The following ELF2 variants were observed in gnomAD, a reference collection of about 807,000 sequenced individuals.
The protein encoded by ELF2 is ETS-related transcription factor Elf-2.
A neutral mutation model predicts 54.8 loss-of-function variants in ELF2; 11 were observed. That is an observed-to-expected ratio of 0.20 (90% confidence interval 0.13 to 0.33). ELF2 has a LOEUF of 0.33. Ranked by LOEUF, ELF2 falls within the 10% of genes least tolerant of loss-of-function variation. The pLI is 1.00. For synonymous variants in ELF2, 203 were observed against 245.1 expected (o/e 0.83, Z 1.61); for missense variants, 513 against 703.0 (o/e 0.73, Z 3.06).
At chr4:139,121,772 C>T (rs1736375524) in intron 4 of ELF2, among the ~76,000 whole-genome samples, 1 of 152,114 alleles carries the variant, frequency 6.6e-6, no homozygotes, top group Non-Finnish European at 1.5e-5. Context: ...TTATCACAAG[C>T]AATTTACTAT....
chr4:139,151,031 A>G (rs957500551), intron 1 of ELF2, among the ~76,000 whole-genome samples: 10 of 118,410 alleles, frequency 8.4e-5, no homozygotes, highest in African/African-American at 3.4e-4. Context: ...CTCAAAAAAA[A>G]AAAAGAAAGA....
chr4:139,068,774 T>C (rs1024295601), intron 6 of ELF2, among the ~76,000 whole-genome samples: 3 of 152,140 alleles, frequency 2.0e-5, no homozygotes, highest in African/African-American at 7.2e-5. Context: ...TGAGCACAAA[T>C]GAACACTGGC....
chr4:139,071,512 CGT>C (rs932384831), intron 6 of ELF2, among the ~76,000 whole-genome samples: 3 of 150,966 alleles, frequency 2.0e-5, no homozygotes, highest in African/African-American at 4.9e-5. Context: ...AAATGTTGTG[CGT>C]GTGTGTGTGT....
chr4:139,170,484 G>A (rs567938580), intron 1 of ELF2, among the ~76,000 whole-genome samples: 94 of 150,980 alleles, frequency 6.2e-4, no homozygotes, highest in Non-Finnish European at 1.1e-3. Context: ...GGCTGGTCTC[G>A]AATGCCTGAC....
At chr4:139,137,393 C>A in intron 3 of ELF2, 2 of 567,536 alleles carry the variant, frequency 3.5e-6, no homozygotes, top group Non-Finnish European at 6.2e-6. Context: ...TCTTTCCATT[C>A]CTTTCCTCCC....
At chr4:139,084,952 A>C (rs1236455867) in intron 4 of ELF2, among the ~76,000 whole-genome samples, 1 of 152,210 alleles carries the variant, frequency 6.6e-6, no homozygotes, top group Non-Finnish European at 1.5e-5. Flanking sequence ...GAAGTGTCAA[A>C]GAGCACATTA....
At chr4:139,078,025 C>T (rs1261344385) in intron 4 of ELF2, among the ~76,000 whole-genome samples, 2 of 152,106 alleles carry the variant, frequency 1.3e-5, no homozygotes, top group Non-Finnish European at 2.9e-5. Context: ...ATAATATTTG[C>T]TTGTACCTTC....
intron 8 of ELF2, 100 bp from the exon 9 acceptor site, chr4:139,060,774 A>G: frequency 2.1e-6 from 2 of 948,282 alleles, no homozygotes; most frequent in Non-Finnish European, 1.6e-6. Flanking sequence ...TAACAGAAAC[A>G]TTCCCTTATC....
chr4:139,151,068 GAAAGAAAGAAAGAAAGAAAGAAAGAAAA>G (rs1739915777), intron 1 of ELF2, among the ~76,000 whole-genome samples: 2 of 134,404 alleles, frequency 1.5e-5, no homozygotes, highest in South Asian at 4.4e-4. Context: ...AAGAAAGAAA[GAAAGAAAGAAAGAAAGAAAGAAAGAAAA>G]AGAGAGCTAT....
At chr4:139,130,988 TG>T (rs137962757) in intron 3 of ELF2, among the ~76,000 whole-genome samples, 10 of 152,272 alleles carry the variant, frequency 6.6e-5, no homozygotes, top group African/African-American at 2.4e-4. Flanking sequence ...AGAAAGGGGA[TG>T]GAAGAGAAGA....
At chr4:139,123,482 G>C (rs1736604689) in intron 4 of ELF2, among the ~76,000 whole-genome samples, 1 of 152,040 alleles carries the variant, frequency 6.6e-6, no homozygotes, top group Non-Finnish European at 1.5e-5. Context: ...CCCTTAAGTA[G>C]ATTACATTCG....
intron 3 of ELF2, among the ~76,000 whole-genome samples, chr4:139,135,089 A>G (rs1340163456): frequency 6.6e-6 from 1 of 152,018 alleles, no homozygotes; most frequent in Non-Finnish European, 1.5e-5. Context: ...AAAAATAGTG[A>G]TAATAAAACT....
At chr4:139,122,760 C>A (rs1379342415) in intron 4 of ELF2, among the ~76,000 whole-genome samples, 1 of 151,766 alleles carries the variant, frequency 6.6e-6, no homozygotes, top group African/African-American at 2.4e-5. Context: ...CTCGGCCTCC[C>A]AAAGTGCTGG....
At chr4:139,108,981 C>G (rs1734698145) in intron 4 of ELF2, among the ~76,000 whole-genome samples, 1 of 152,148 alleles carries the variant, frequency 6.6e-6, no homozygotes, top group Non-Finnish European at 1.5e-5. Context: ...CATAGCAACT[C>G]TTCTTTATTT....
chr4:139,107,493 A>C lies in ELF2; in HGVS notation c.238+17671T>G, dbSNP rs151006015. Among the ~76,000 whole-genome samples, 511 of 152,316 alleles carry C rather than the reference A, an allele frequency of 3.4e-3. 3 individuals carry two copies. Among genetic ancestry groups the C allele is most frequent in the African/African-American group, 0.011 (475 of 41,580 alleles). On this transcript the variant is annotated intron_variant, in intron 4 of 9. Transcript: ENST00000686138. Reference sequence around the variant, plus strand: ...GTATCAAAATATCATACGTACCCCAAAATATGTACGATTATAAACCAATTT... The same window carrying C: ...GTATCAAAATATCATACGTACCCCACAATATGTACGATTATAAACCAATTT...
chr4:139,146,089 G>A (rs113615463), intron 1 of ELF2, among the ~76,000 whole-genome samples: 19 of 152,110 alleles, frequency 1.2e-4, no homozygotes, highest in South Asian at 1.0e-3. Flanking sequence ...TCAAACTATC[G>A]CTGTTTGCTG....
intron 7 of ELF2, among the ~76,000 whole-genome samples, chr4:139,064,429 G>A (rs2148670367): frequency 6.6e-6 from 1 of 152,290 alleles, no homozygotes; most frequent in Middle Eastern, 3.4e-3. Context: ...GGCTATGTGG[G>A]AAGCTTCCAA....
chr4:139,148,076 G>T (rs968217807), intron 1 of ELF2, among the ~76,000 whole-genome samples: 1 of 146,908 alleles, frequency 6.8e-6, no homozygotes, highest in Non-Finnish European at 1.5e-5. Context: ...ATGAGCCACC[G>T]TGCCCAGCCA....
intron 1 of ELF2, among the ~76,000 whole-genome samples, chr4:139,166,609 C>T (rs146671446): frequency 0.019 from 2,819 of 152,226 alleles, 85 homozygotes; most frequent in African/African-American, 0.064. Flanking sequence ...TGGCTCACGC[C>T]TGTAATCCCA....
Sources: allele counts gnomAD v4.1 joint callset (sites outside exome capture counted in the v4.1 genomes callset), GRCh38; gene constraint gnomAD v4.1.1; transcripts MANE v1.5; gene names NCBI Gene and HGNC (gene_info 2026-07-23, HGNC 2026-07-21).